Variants in SRPK2 observed in about 807,000 individuals in gnomAD.
SRPK2 encodes SRSF protein kinase 2, also known as SFRS protein kinase 2.
Under a neutral mutation model 90.8 loss-of-function variants are expected in SRPK2, and 21 were observed. The observed-to-expected ratio is 0.23, with a 90% CI of 0.16 to 0.33. The LOEUF (loss-of-function observed/expected upper bound fraction) is 0.33, where lower values mean the gene tolerates loss of function less well. Ranked by LOEUF, SRPK2 falls within the 10% of genes least tolerant of loss-of-function variation. The pLI is 1.00. For synonymous variants in SRPK2, 288 were observed against 311.1 expected (o/e 0.93, Z 0.78); for missense variants, 620 against 869.0 (o/e 0.71, Z 3.60).
chr7:105,251,506 A>C (rs921509400), intron 2 of SRPK2, among the ~76,000 whole-genome samples: 2 of 152,148 alleles, frequency 1.3e-5, no homozygotes, highest in African/African-American at 4.8e-5. Context: ...ACCCTGCCAC[A>C]AGCATTTTTT....
At chr7:105,296,268 C>T (rs1213488090) in intron 2 of SRPK2, among the ~76,000 whole-genome samples, 1 of 152,162 alleles carries the variant, frequency 6.6e-6, no homozygotes, top group Admixed American at 6.5e-5. Flanking sequence ...ATATCATACA[C>T]AGAGAAGCAA....
In SRPK2 at chr7:105,157,634, A is replaced by T. The variant is rs189550197; in HGVS notation, c.621+2873T>A. 1.9e-4 allele frequency among the ~76,000 whole-genome samples: 29 copies of T among 152,296 alleles called. No individual in the cohort carries two copies. In the East Asian group the frequency reaches 5.4e-3, roughly 28 times the overall value. ...ACACACAAAACCAAAACCAAACCAAAATTCCATTAACACTGCATATAAGAA... is the reference window on the plus strand; with the variant it reads ...ACACACAAAACCAAAACCAAACCAATATTCCATTAACACTGCATATAAGAA... On this transcript the variant is annotated intron_variant, in intron 7 of 15. Coordinates refer to ENST00000393651, the MANE Select transcript of SRPK2 (RefSeq NM_182692.3).
At chr7:105,160,086 C>T (rs1010207052) in intron 7 of SRPK2, among the ~76,000 whole-genome samples, 1 of 152,174 alleles carries the variant, frequency 6.6e-6, no homozygotes, top group African/African-American at 2.4e-5. Context: ...ATAACTGAAA[C>T]TTTGTACACA....
chr7:105,386,497 T>A (rs1031472102), intron 2 of SRPK2, among the ~76,000 whole-genome samples: 3 of 152,098 alleles, frequency 2.0e-5, no homozygotes, highest in Non-Finnish European at 2.9e-5. Flanking sequence ...GTGAATCACC[T>A]GAAGTCAGGA....
At chr7:105,194,370 G>C (rs1381787830) in intron 3 of SRPK2, among the ~76,000 whole-genome samples, 1 of 151,730 alleles carries the variant, frequency 6.6e-6, no homozygotes, top group Admixed American at 6.6e-5. Context: ...AGGCAAAAAA[G>C]AATAATAATT....
At chr7:105,269,111 A>C in intron 2 of SRPK2, 1 of 1,129,476 alleles carries the variant, frequency 8.9e-7, no homozygotes, top group East Asian at 4.3e-5. Flanking sequence ...TTTAAAGCAG[A>C]GGGGTGTTTT....
intron 2 of SRPK2, among the ~76,000 whole-genome samples, chr7:105,321,304 G>A (rs533016794): frequency 2.0e-5 from 3 of 152,062 alleles, no homozygotes; most frequent in East Asian, 1.9e-4. Context: ...CTTCCTCCTC[G>A]TACCTTATAC....
chr7:105,125,833 G>A (rs750552100), intron 15 of SRPK2: 10 of 1,295,400 alleles, frequency 7.7e-6, no homozygotes, highest in South Asian at 7.4e-5. Context: ...GCGTATTTTC[G>A]AGGGACTTTC....
intron 15 of SRPK2, chr7:105,125,744 G>T: frequency 1.1e-6 from 1 of 945,748 alleles, no homozygotes; most frequent in Non-Finnish European, 1.4e-6. Context: ...TTTGGGAGAA[G>T]ACTATGCTGA....
At chr7:105,351,322 T>G (rs920174027) in intron 2 of SRPK2, among the ~76,000 whole-genome samples, 3 of 151,798 alleles carry the variant, frequency 2.0e-5, no homozygotes, top group Non-Finnish European at 1.5e-5. Context: ...CTGAAAGAAA[T>G]AAATTCCTTT....
chr7:105,297,476 C>T (rs1809971247), intron 2 of SRPK2: 1 of 985,258 alleles, frequency 1.0e-6, no homozygotes, highest in Non-Finnish European at 1.2e-6. Context: ...GATATGGTGG[C>T]CATCTGGCCC....
At chr7:105,120,676 CT>C (rs1290705313) in intron 15 of SRPK2, among the ~76,000 whole-genome samples, 1 of 151,900 alleles carries the variant, frequency 6.6e-6, no homozygotes, top group Admixed American at 6.6e-5. Flanking sequence ...AATGTGTGGA[CT>C]TTTTTTGTGG....
intron 2 of SRPK2, among the ~76,000 whole-genome samples, chr7:105,223,825 G>T (rs909163152): frequency 6.6e-6 from 1 of 152,162 alleles, no homozygotes; most frequent in African/African-American, 2.4e-5. Context: ...ATACCTAAGT[G>T]TGCTTCATGC....
chr7:105,302,853 A>C (rs892796631), intron 2 of SRPK2, among the ~76,000 whole-genome samples: 1 of 152,072 alleles, frequency 6.6e-6, no homozygotes, highest in Non-Finnish European at 1.5e-5. Flanking sequence ...AAGATGCCTT[A>C]ACATTTAATT....
intron 2 of SRPK2, among the ~76,000 whole-genome samples, chr7:105,302,952 T>C (rs1257868541): frequency 1.3e-5 from 2 of 151,174 alleles, no homozygotes; most frequent in Non-Finnish European, 2.9e-5. Flanking sequence ...CGGGCGCCTG[T>C]AGTCCCAGCT....
In SRPK2 at chr7:105,376,848, CTTTTT is replaced by C. The variant is rs35855824; in HGVS notation, c.71+11795_71+11799del. ...CCACCACGCCCGCCCCCCCACCCCC[CTTTTT>C]TTTTTAATAAAAAGCACCTTTTCTC... On this transcript the variant is annotated intron_variant, in intron 2 of 15. Transcript: ENST00000393651. Among the ~76,000 whole-genome samples the C allele has an allele frequency of 8.1e-5, 8 of 99,048 alleles. No individual in the cohort carries two copies. The South Asian group carries it at 3.1e-3, about 39-fold the overall frequency. 65.0% of individuals were successfully genotyped at this position (99,048 alleles called of 152,430 possible).
chr7:105,170,855 GAAAGAAAGA>G (rs1790818361), intron 3 of SRPK2, among the ~76,000 whole-genome samples: 1 of 36,372 alleles, frequency 2.7e-5, no homozygotes, highest in African/African-American at 7.7e-5. Context: ...AAGAAAGAAA[GAAAGAAAGA>G]AAGAAAGAAA....
At chr7:105,211,257 T>A (rs73715446) in intron 2 of SRPK2, among the ~76,000 whole-genome samples, 5,461 of 152,110 alleles carry the variant, frequency 0.036, 343 homozygotes, top group African/African-American at 0.12. Flanking sequence ...TTTTTTTTTT[T>A]AAATAATTGA....
intron 13 of SRPK2, among the ~76,000 whole-genome samples, chr7:105,129,349 C>A (rs34743063): frequency 0.063 from 9,605 of 152,192 alleles, 417 homozygotes; most frequent in Non-Finnish European, 0.089. Context: ...TACAACAGGG[C>A]AAATGCACAT....
Sources: gnomAD v4.1 joint callset for allele counts (sites outside exome capture counted in the v4.1 genomes callset) on GRCh38, gnomAD v4.1.1 for gene constraint, MANE v1.5 for transcripts, NCBI Gene and HGNC (gene_info 2026-07-23, HGNC 2026-07-21) for gene names.